CADPS2: variants seen among roughly 807,000 people sequenced by gnomAD.
CADPS2 encodes the protein calcium dependent secretion activator 2, also known as calcium-dependent secretion activator 2.
A neutral mutation model predicts 172.5 loss-of-function variants in CADPS2; 93 were observed. The ratio of observed to expected loss-of-function variants is 0.54; its 90% CI spans 0.46 to 0.64. The LOEUF (loss-of-function observed/expected upper bound fraction) is 0.64, where lower values mean the gene tolerates loss of function less well. Ranked by LOEUF, CADPS2 falls within the 30% of genes least tolerant of loss-of-function variation. The pLI, the probability that CADPS2 is intolerant of heterozygous loss-of-function variation, is 0.00. For synonymous variants in CADPS2, 546 were observed against 555.2 expected, an observed-to-expected ratio of 0.98 and a Z score of 0.23; for missense variants, 1,420 against 1,565.9, an observed-to-expected ratio of 0.91 and a Z score of 1.57.
At chr7:122,746,363 CA>C (rs2092716564) in intron 1 of CADPS2, among the ~76,000 whole-genome samples, 1 of 151,850 alleles carries the variant, frequency 6.6e-6, no homozygotes, top group East Asian at 1.9e-4. Flanking sequence ...TTCAGAACCA[CA>C]AAAAAAGAAA....
intron 6 of CADPS2, among the ~76,000 whole-genome samples, chr7:122,598,785 T>C (rs1006575628): frequency 1.3e-5 from 2 of 152,076 alleles, no homozygotes; most frequent in African/African-American, 4.8e-5. Flanking sequence ...AAATGCTTCA[T>C]CAAATAAAGG....
intron 1 of CADPS2, among the ~76,000 whole-genome samples, chr7:122,763,349 G>A (rs961902418): frequency 6.6e-6 from 1 of 152,156 alleles, no homozygotes; most frequent in African/African-American, 2.4e-5. Context: ...TGTGATGAGA[G>A]TGCTGAATCC....
At chr7:122,867,565 T>C (rs151076314) in intron 1 of CADPS2, among the ~76,000 whole-genome samples, 54 of 152,282 alleles carry the variant, frequency 3.5e-4, no homozygotes, top group African/African-American at 1.2e-3. Flanking sequence ...TAAATCACCA[T>C]GCCTGAGGAA....
At chr7:122,673,247 G>C (rs922056688) in intron 2 of CADPS2, among the ~76,000 whole-genome samples, 8 of 152,214 alleles carry the variant, frequency 5.3e-5, no homozygotes, top group African/African-American at 1.7e-4. Context: ...GACCCCAGCC[G>C]GTTGCCGCAG....
intron 1 of CADPS2, among the ~76,000 whole-genome samples, chr7:122,839,031 C>A (rs1483160533): frequency 6.6e-6 from 1 of 152,178 alleles, no homozygotes; most frequent in Admixed American, 6.5e-5. Flanking sequence ...TCAAACCATA[C>A]TACAAGGCTA....
rs1817368922 is a variant in CADPS2, at chr7:122,863,044, C to T, written c.339+22955G>A. Among the ~76,000 whole-genome samples the T allele has an allele frequency of 1.3e-5, 2 of 152,120 alleles. 1 individual carries two copies. Among genetic ancestry groups the T allele is most frequent in the South Asian group, 4.2e-4 (2 of 4,818 alleles). On this transcript the variant is annotated intron_variant, in intron 1 of 29. Transcript: ENST00000449022. ...AGGGCTTAATAGTTTTTGCATATAG[C>T]CTTAAAATCAAGAAAAATGTGACAA...
rs191344808 is a variant in CADPS2 at position 122,654,589 on chromosome 7, T to G, written c.786+8648A>C. The stretch of plus-strand genomic sequence containing the variant: ...TGTTTCCAGCATGGTATACTGAATA[T>G]TGAGACTTCTAAGAAAATAAAGATT... On this transcript the variant is annotated intron_variant, in intron 3 of 29. Transcript: ENST00000449022. Among the ~76,000 whole-genome samples, 31 of 152,290 alleles carry G rather than the reference T, an allele frequency of 2.0e-4. No homozygotes were observed. The East Asian group carries it at 4.6e-3, about 23-fold the overall frequency.
chr7:122,356,403 A>G (rs1311765958), intron 27 of CADPS2, among the ~76,000 whole-genome samples: 1 of 152,214 alleles, frequency 6.6e-6, no homozygotes, highest in Non-Finnish European at 1.5e-5. Context: ...GGCTGATATT[A>G]TCAATATGAT....
chr7:122,838,918 GA>G (rs1175306797), intron 1 of CADPS2, among the ~76,000 whole-genome samples: 1 of 152,038 alleles, frequency 6.6e-6, no homozygotes, highest in Admixed American at 6.5e-5. Context: ...CACAGAATTG[GA>G]AAAAACTACT....
rs780826934 is a variant in CADPS2 at position 122,388,575 on chromosome 7, A to T, written c.3164+8T>A. ...ACATTAAGCAGCAATTTGAAAATAC[A>T]TGTCTACCTTTTGACACAGGCCTCT... On this transcript the variant is annotated splice_region_variant and intron_variant, in intron 23 of 29. Coordinates refer to ENST00000449022, the MANE Select transcript of CADPS2 (RefSeq NM_017954.11). 3.8e-6 allele frequency: 6 copies of T among 1,572,022 alleles called. No homozygotes were observed. In the South Asian group the frequency reaches 6.9e-5, roughly 18 times the overall value.
At chr7:122,605,119 T>C (rs1288229719) in intron 6 of CADPS2, among the ~76,000 whole-genome samples, 3 of 152,002 alleles carry the variant, frequency 2.0e-5, no homozygotes, top group African/African-American at 4.8e-5. Context: ...ACAGTGAAAA[T>C]ATGGTATAAA....
chr7:122,432,934 T>C (rs1179661648), intron 17 of CADPS2, among the ~76,000 whole-genome samples: 4 of 152,022 alleles, frequency 2.6e-5, no homozygotes, highest in Non-Finnish European at 4.4e-5. Context: ...CCTGCTAGGT[T>C]ACCTTGCTAC....
chr7:122,598,206 T>G (rs2072176987), intron 6 of CADPS2, among the ~76,000 whole-genome samples: 1 of 152,044 alleles, frequency 6.6e-6, no homozygotes, highest in African/African-American at 2.4e-5. Flanking sequence ...TGTATTTGGT[T>G]AAATAGAAAT....
chr7:122,694,996 A>G (rs2084886669), intron 2 of CADPS2, among the ~76,000 whole-genome samples: 1 of 152,198 alleles, frequency 6.6e-6, no homozygotes. Flanking sequence ...AGGGGTTTAA[A>G]TCCCATCAGA....
intron 4 of CADPS2, among the ~76,000 whole-genome samples, chr7:122,627,737 C>T (rs961270246): frequency 2.6e-5 from 4 of 152,182 alleles, no homozygotes; most frequent in Non-Finnish European, 4.4e-5. Flanking sequence ...TTTTCAAATG[C>T]TGAACACAGA....
At chr7:122,390,739 G>C (rs1390186513) in intron 22 of CADPS2, among the ~76,000 whole-genome samples, 5 of 151,982 alleles carry the variant, frequency 3.3e-5, no homozygotes, top group African/African-American at 1.2e-4. Context: ...ATGTGAGTAG[G>C]CTTTCTCTGG....
At chr7:122,683,126 G>T (rs2083239204) in intron 2 of CADPS2, among the ~76,000 whole-genome samples, 1 of 152,176 alleles carries the variant, frequency 6.6e-6, no homozygotes, top group South Asian at 2.1e-4. Flanking sequence ...ATTTGGTGAT[G>T]GAAGTGGTTC....
chr7:122,835,734 G>A (rs1261236352), intron 1 of CADPS2, among the ~76,000 whole-genome samples: 1 of 152,114 alleles, frequency 6.6e-6, no homozygotes, highest in East Asian at 1.9e-4. Context: ...AGAGAAAAAA[G>A]GGTAAAAATA....
At chr7:122,685,448 G>T (rs753764865) in intron 2 of CADPS2, among the ~76,000 whole-genome samples, 3 of 152,172 alleles carry the variant, frequency 2.0e-5, no homozygotes, top group African/African-American at 7.2e-5. Context: ...CAGGTTAAAC[G>T]TTCCTGACAC....
Sources: gnomAD v4.1 joint callset for allele counts (sites outside exome capture counted in the v4.1 genomes callset) on GRCh38, gnomAD v4.1.1 for gene constraint, MANE v1.5 for transcripts, NCBI Gene and HGNC (gene_info 2026-07-23, HGNC 2026-07-21) for gene names.